KCTD7: variants seen among roughly 807,000 people sequenced by gnomAD.
KCTD7 encodes potassium channel tetramerization domain containing 7, also known as BTB/POZ domain-containing protein KCTD7.
A neutral mutation model predicts 27.0 loss-of-function variants in KCTD7; 15 were observed. The observed-to-expected ratio is 0.56, with a 90% confidence interval of 0.37 to 0.86. KCTD7 has a LOEUF of 0.86. Among genes scored for constraint, KCTD7 ranks in the 40% least tolerant of loss-of-function variants. The pLI is 0.00. For synonymous variants in KCTD7, 159 were observed against 162.7 expected (o/e 0.98, Z 0.17); for missense variants, 299 against 398.9 (o/e 0.75, Z 2.13).
rs151338966 is a variant in KCTD7 at position 66,638,976 on chromosome 7, C to T, written c.614C>T (p.Pro205Leu). 2.2e-5 allele frequency: 35 copies of T among 1,614,056 alleles called. No individual in the cohort carries two copies. The highest frequency in any genetic ancestry group is 2.7e-5 in the African/African-American group (2 of 74,910). ...EEMPITPYECPLLNSLRFERS... is the reference protein window; with the variant it reads ...EEMPITPYECLLLNSLRFERS... ...ATGCCCATCACCCCCTATGAGTGTCCGCTCCTCAACTCCCTGCGATTTGAG... is the reference window on the plus strand; with the variant it reads ...ATGCCCATCACCCCCTATGAGTGTCTGCTCCTCAACTCCCTGCGATTTGAG... Residue 205 changes from proline (P) to leucine (L), a missense_variant, in exon 4 of 4, where the codon CCG (proline) becomes CTG (leucine). Coordinates refer to ENST00000639828, the MANE Select transcript of KCTD7 (RefSeq NM_153033.5).
chr7:66,636,847 G>T (rs1786598173), intron 2 of KCTD7, among the ~76,000 whole-genome samples: 1 of 152,152 alleles, frequency 6.6e-6, no homozygotes, highest in Non-Finnish European at 1.5e-5. Flanking sequence ...TGCAATATGT[G>T]ATTTTATTCA....
intron 1 of KCTD7, 107 bp downstream of exon 1, chr7:66,629,315 G>A: frequency 2.4e-6 from 2 of 832,198 alleles, no homozygotes; most frequent in Non-Finnish European, 1.6e-6. Context: ...GGTTGGGGGC[G>A]GGGCCCGCGG....
At position 66,628,983 on chromosome 7, in the gene KCTD7, AG is replaced by A. The variant is rs1786376904; in HGVS notation, c.-80del. The A allele has an allele frequency of 7.2e-7, 1 of 1,384,044 alleles. No homozygotes were observed. The highest frequency in any genetic ancestry group is 2.6e-5 in the Admixed American group (1 of 38,678). The allele number at this position is 1,384,044 out of a possible 1,614,324, so 85.7% of individuals were successfully genotyped here. On this transcript the variant is annotated 5_prime_UTR_variant, in exon 1 of 4. The change abolishes the stop of an existing upstream ORF in the 5' untranslated region. Transcript: ENST00000639828. The stretch of plus-strand genomic sequence containing the variant: ...AGCCCGCAGCCGGCCGCGTCATGCC[AG>A]GCGCTGCTCGGCGGTAGGGAGTGCC...
Position 66,639,771 on chromosome 7 carries a change from A to C in KCTD7, c.*539A>C, listed in dbSNP as rs1786671443. ...ACTGCACCCCTTCTCCTCCAAGAAT[A>C]GTTGCCCACATTCCCAAAATGTGGA... On this transcript the variant is annotated 3_prime_UTR_variant, in exon 4 of 4. Coordinates refer to ENST00000639828, the MANE Select transcript of KCTD7 (RefSeq NM_153033.5). The C allele has an allele frequency of 1.1e-5, 14 of 1,250,780 alleles. No homozygotes were observed. The highest frequency in any genetic ancestry group is 1.3e-5 in the Non-Finnish European group (13 of 998,772). 77.5% of individuals were successfully genotyped at this position (1,250,780 alleles called of 1,614,324 possible).
At chr7:66,632,165 G>C (rs1404945884) in intron 1 of KCTD7, among the ~76,000 whole-genome samples, 1 of 152,204 alleles carries the variant, frequency 6.6e-6, no homozygotes, top group Non-Finnish European at 1.5e-5. Context: ...CCACTAAACT[G>C]TATGGTGTGT....
At chr7:66,633,160 C>A in intron 1 of KCTD7, 115 bp from the exon 2 acceptor site, 1 of 1,044,714 alleles carries the variant, frequency 9.6e-7, no homozygotes, top group Non-Finnish European at 1.5e-6. Context: ...GACCCGTGGG[C>A]TTGAGTGACT....
At chr7:66,633,156 TG>T in intron 1 of KCTD7, 118 bp from the exon 2 acceptor site, 1 of 982,988 alleles carries the variant, frequency 1.0e-6, no homozygotes, top group Non-Finnish European at 1.6e-6. Flanking sequence ...GATGGACCCG[TG>T]GGCTTGAGTG....
In KCTD7 at chr7:66,633,273, A is replaced by T; in HGVS notation, c.145-2A>T. On this transcript the variant is annotated splice_acceptor_variant, in intron 1 of 3. Coordinates refer to ENST00000639828, the MANE Select transcript of KCTD7 (RefSeq NM_153033.5). LOFTEE classifies it high-confidence loss of function. Reference sequence around the variant, plus strand: ...CTGAGAGCCCTGGTGATTTCTTTCCAGTTTCCTGAGGTTGTTCCCCTTAAC... The same window carrying T: ...CTGAGAGCCCTGGTGATTTCTTTCCTGTTTCCTGAGGTTGTTCCCCTTAAC... 6.2e-7 allele frequency: 1 copy of T among 1,613,760 alleles called. No individual in the cohort carries two copies. Among genetic ancestry groups the T allele is most frequent in the Non-Finnish European group, 8.5e-7 (1 of 1,179,832 alleles).
chr7:66,634,752 C>G (rs563539659), intron 2 of KCTD7, among the ~76,000 whole-genome samples: 1 of 80,550 alleles, frequency 1.2e-5, no homozygotes, highest in South Asian at 3.0e-4. Context: ...AAGACTGATA[C>G]AGTGTTGTTC....
In KCTD7 at chr7:66,640,552, G is replaced by GC; in HGVS notation, c.*1320_*1321insC. The GC allele has an allele frequency of 6.8e-7, 1 of 1,464,218 alleles. No individual in the cohort carries two copies. 90.7% of individuals were successfully genotyped at this position (1,464,218 alleles called of 1,614,324 possible). A position where few individuals can be genotyped will look rare whatever the true frequency, so the allele number is the denominator to read the frequency against. ...GTAACATTTCCATGCTGCATTAAGG[G>GC]TGTCTCTCTCTAATCATGATTGTAC... On this transcript the variant is annotated 3_prime_UTR_variant, in exon 4 of 4. Transcript: ENST00000639828.
chr7:66,632,520 A>G (rs1786475970), intron 1 of KCTD7, among the ~76,000 whole-genome samples: 1 of 151,828 alleles, frequency 6.6e-6, no homozygotes, highest in East Asian at 1.9e-4. Context: ...AAGGGCACAT[A>G]GCAGATGACT....
Position 66,642,229 on chromosome 7 carries a change from A to G in KCTD7, c.*2997A>G. ...AGGAATTCTTAGCGTAACACTCTAA[A>G]TAAATGGAAGGAATCATCACCTTCC... On this transcript the variant is annotated 3_prime_UTR_variant, in exon 4 of 4. Coordinates refer to ENST00000639828, the MANE Select transcript of KCTD7 (RefSeq NM_153033.5). 1 of 985,458 alleles carries G rather than the reference A, an allele frequency of 1.0e-6. No homozygotes were observed. The highest frequency in any genetic ancestry group is 1.2e-6 in the Non-Finnish European group (1 of 829,928). The allele number at this position is 985,458 out of a possible 1,614,324, so 61.0% of individuals were successfully genotyped here.
intron 1 of KCTD7, among the ~76,000 whole-genome samples, chr7:66,630,814 C>A (rs1479025179): frequency 6.6e-6 from 1 of 151,996 alleles, no homozygotes; most frequent in Non-Finnish European, 1.5e-5. Flanking sequence ...CCAGTTCCCC[C>A]CACTGATGAC....
chr7:66,629,335 C>CCTCCCCCGCCCACCTGCAA (rs1394712262), intron 1 of KCTD7, 127 bp downstream of exon 1: 82 of 665,732 alleles, frequency 1.2e-4, no homozygotes, highest in African/African-American at 1.9e-4. Flanking sequence ...GACTTGCGCC[C>CCTCCCCCGCCCACCTGCAA]CTCCCCCGCC....
At chr7:66,632,763 G>A (rs1408598093) in intron 1 of KCTD7, among the ~76,000 whole-genome samples, 2 of 151,956 alleles carry the variant, frequency 1.3e-5, no homozygotes, top group Non-Finnish European at 2.9e-5. Context: ...CTATCAGGGG[G>A]CCAGGCACAG....
intron 1 of KCTD7, among the ~76,000 whole-genome samples, chr7:66,631,559 A>T (rs1164947162): frequency 2.7e-5 from 4 of 145,694 alleles, no homozygotes; most frequent in Non-Finnish European, 4.5e-5. Flanking sequence ...TTGCAATGAG[A>T]TTCCGTCTCA....
At position 66,641,271 on chromosome 7, in the gene KCTD7, A is replaced by C; in HGVS notation, c.*2039A>C. On this transcript the variant is annotated 3_prime_UTR_variant, in exon 4 of 4. Coordinates refer to ENST00000639828, the MANE Select transcript of KCTD7 (RefSeq NM_153033.5). ...AAAGGCTTTCATTTTGGTTCTTCTG[A>C]TTGGTGTTACCTACTGCCTAATATG... The C allele has an allele frequency of 1.4e-5, 14 of 985,260 alleles. No homozygotes were observed. Among genetic ancestry groups the C allele is most frequent in the Non-Finnish European group, 1.7e-5 (14 of 829,914 alleles). 61.0% of individuals were successfully genotyped at this position (985,260 alleles called of 1,614,324 possible).
At chr7:66,643,093 TCTC>T (rs1283304834), downstream of KCTD7, 12 of 985,308 alleles carry the variant, frequency 1.2e-5, no homozygotes, top group Admixed American at 7.4e-4. Flanking sequence ...TCTCATCTCT[TCTC>T]TGACCCCCAC....
In KCTD7 at chr7:66,639,925, GCTTCT is replaced by G. The variant is rs1248816265; in HGVS notation, c.*697_*701del. On this transcript the variant is annotated 3_prime_UTR_variant, in exon 4 of 4. Transcript: ENST00000639828. The stretch of plus-strand genomic sequence containing the variant: ...TTTACAGCCCTGTCTTAGGGCCGCG[GCTTCT>G]CTTATCTTCCACCACCTTCCTTGCT... The G allele has an allele frequency of 2.4e-6, 3 of 1,245,648 alleles. No individual in the cohort carries two copies. 77.2% of individuals were successfully genotyped at this position (1,245,648 alleles called of 1,614,324 possible). A position where few individuals can be genotyped will look rare whatever the true frequency, so the allele number is the denominator to read the frequency against.
Sources: gnomAD v4.1 joint callset for allele counts (sites outside exome capture counted in the v4.1 genomes callset) on GRCh38, gnomAD v4.1.1 for gene constraint, MANE v1.5 for transcripts, NCBI Gene and HGNC (gene_info 2026-07-23, HGNC 2026-07-21) for gene names.